Variants in VSTM5 observed in about 807,000 individuals in gnomAD.
VSTM5 encodes the protein V-set and transmembrane domain-containing protein 5.
Under a neutral mutation model 20.3 loss-of-function variants are expected in VSTM5, and 21 were observed. That is an observed-to-expected ratio of 1.03 (90% CI 0.73 to 1.49). The LOEUF is 1.49. VSTM5 is among the 40% of genes most tolerant of loss of function. The pLI is 0.00. For missense variants in VSTM5, 219 were observed against 250.0 expected, an observed-to-expected ratio of 0.88 and a Z score of 0.84; for synonymous variants, 100 against 102.5, an observed-to-expected ratio of 0.98 and a Z score of 0.14.
intron 1 of VSTM5, among the ~76,000 whole-genome samples, chr11:93,848,532 G>A (rs1553603): frequency 0.13 from 19,919 of 152,118 alleles, 1,388 homozygotes; most frequent in African/African-American, 0.16. Flanking sequence ...CCTGTCCCCC[G>A]AGCTGCTCCT....
chr11:93,823,953 G>C (rs546623735), intron 1 of VSTM5, among the ~76,000 whole-genome samples: 1 of 151,790 alleles, frequency 6.6e-6, no homozygotes, highest in Non-Finnish European at 1.5e-5. Flanking sequence ...TGTCACCCAG[G>C]CTGGAGTGCA....
At chr11:93,836,972 A>G (rs1478934705) in intron 1 of VSTM5, among the ~76,000 whole-genome samples, 1 of 149,316 alleles carries the variant, frequency 6.7e-6, no homozygotes, top group Non-Finnish European at 1.5e-5. Context: ...GACCCTTGGG[A>G]TCCTATTTGC....
In VSTM5 at chr11:93,819,258, G is replaced by A. The variant is rs1479139648; in HGVS notation, c.*1311C>T. On this transcript the variant is annotated 3_prime_UTR_variant, in exon 4 of 4. Coordinates refer to ENST00000409977, the MANE Select transcript of VSTM5 (RefSeq NM_001144871.2). ...CACATCATCATCGGATGGTACCTTT[G>A]GTCTGTAGCTATGAATATTGGAGAG... is the stretch of plus-strand genomic sequence containing the variant. 6.6e-6 allele frequency: 1 copy of A among 152,166 alleles called. No individual in the cohort carries two copies. The highest frequency in any genetic ancestry group is 2.4e-5 in the African/African-American group (1 of 41,430). 9.4% of individuals were successfully genotyped at this position (152,166 alleles called of 1,614,324 possible).
intron 1 of VSTM5, among the ~76,000 whole-genome samples, chr11:93,843,373 G>A (rs558087118): frequency 6.3e-4 from 96 of 152,190 alleles, no homozygotes; most frequent in Admixed American, 5.6e-3. Context: ...TCAGCTATGT[G>A]AACACAGGGG....
At position 93,821,073 on chromosome 11, in the gene VSTM5, ATCCC is replaced by A; in HGVS notation, c.338_341del (p.Arg113IlefsTer9). 6.4e-7 allele frequency: 1 copy of A among 1,551,754 alleles called. No homozygotes were observed. Among genetic ancestry groups the A allele is most frequent in the Non-Finnish European group, 8.7e-7 (1 of 1,147,010 alleles). On this transcript the variant is annotated frameshift_variant, in exon 2 of 4. Coordinates refer to ENST00000409977, the MANE Select transcript of VSTM5 (RefSeq NM_001144871.2). LOFTEE classifies it high-confidence loss of function. ...TCACGGTGATGACATAGTAGCCGGA[ATCCC>A]TCACTCCCACGCTGAAGAGCTGGAT...
At chr11:93,840,995 G>T (rs986183891) in intron 1 of VSTM5, among the ~76,000 whole-genome samples, 3 of 152,308 alleles carry the variant, frequency 2.0e-5, no homozygotes, top group East Asian at 1.9e-4. Context: ...TGGGGGCAAG[G>T]AACCTAAGGC....
intron 1 of VSTM5, among the ~76,000 whole-genome samples, chr11:93,833,722 G>A (rs531168180): frequency 1.3e-5 from 2 of 152,166 alleles, no homozygotes; most frequent in South Asian, 2.1e-4. Flanking sequence ...TCTCAACAAC[G>A]TGAGCTCTCT....
Position 93,850,566 on chromosome 11 carries a change from C to T in VSTM5, c.-64G>A. 8.1e-7 allele frequency: 1 copy of T among 1,229,736 alleles called. No homozygotes were observed. The highest frequency in any genetic ancestry group is 1.4e-5 in the South Asian group (1 of 72,998). The allele number at this position is 1,229,736 out of a possible 1,614,324, so 76.2% of individuals were successfully genotyped here. A position where few individuals can be genotyped will look rare whatever the true frequency, so the allele number is the denominator to read the frequency against. On this transcript the variant is annotated 5_prime_UTR_variant, in exon 1 of 4. Coordinates refer to ENST00000409977, the MANE Select transcript of VSTM5 (RefSeq NM_001144871.2). ...GCCGCACCGCGCTGCAGCTCCTATG[C>T]AGCCTTCTCTCTTCCTCCGCCTCTG...
chr11:93,831,682 G>A (rs1256747707), intron 1 of VSTM5, among the ~76,000 whole-genome samples: 1 of 152,192 alleles, frequency 6.6e-6, no homozygotes, highest in Non-Finnish European at 1.5e-5. Context: ...TTTAGGTGGA[G>A]GCTACCAGGC....
chr11:93,849,400 G>C (rs367703094), intron 1 of VSTM5, among the ~76,000 whole-genome samples: 3 of 152,176 alleles, frequency 2.0e-5, no homozygotes, highest in Non-Finnish European at 4.4e-5. Flanking sequence ...CAAGGGATCC[G>C]CTGGCCTCGG....
chr11:93,827,826 AT>A lies in VSTM5; in HGVS notation c.92-6504del, dbSNP rs774422796. 19 of 150,894 alleles carry A rather than the reference AT, an allele frequency of 1.3e-4. No individual in the cohort carries two copies. In the East Asian group the frequency reaches 3.1e-3, roughly 24 times the overall value. The allele number at this position is 150,894 out of a possible 1,614,324, so 9.3% of individuals were successfully genotyped here. A position where few individuals can be genotyped will look rare whatever the true frequency, so the allele number is the denominator to read the frequency against. On this transcript the variant is annotated intron_variant, in intron 1 of 3. Coordinates refer to ENST00000409977, the MANE Select transcript of VSTM5 (RefSeq NM_001144871.2). Reference sequence around the variant, plus strand: ...TCTGTGATGTTACTAAGTTAAAAAAATAAACATGTAAAACAGCATACCTAAT... The same window carrying A: ...TCTGTGATGTTACTAAGTTAAAAAAAAAACATGTAAAACAGCATACCTAAT...
At chr11:93,823,878 G>A (rs889436809) in intron 1 of VSTM5, among the ~76,000 whole-genome samples, 5 of 150,072 alleles carry the variant, frequency 3.3e-5, no homozygotes, top group East Asian at 2.0e-4. Context: ...AATTGTTTTC[G>A]ATATATACCC....
intron 1 of VSTM5, among the ~76,000 whole-genome samples, chr11:93,832,703 A>G (rs537903266): frequency 6.6e-6 from 1 of 152,362 alleles, no homozygotes; most frequent in African/African-American, 2.4e-5. Context: ...GGAGACTTGG[A>G]CTAAAGCACT....
In VSTM5 at chr11:93,821,251, A is replaced by G; in HGVS notation, c.164T>C (p.Val55Ala). 7 of 1,551,886 alleles carry G rather than the reference A, an allele frequency of 4.5e-6. No homozygotes were observed. Among genetic ancestry groups the G allele is most frequent in the Non-Finnish European group, 6.1e-6 (7 of 1,147,042 alleles). Residue 55 changes from valine to alanine, a missense_variant, in exon 2 of 4, where the codon GTT becomes GCT. Val to Ala is a moderately conservative substitution (Grantham distance 64, BLOSUM62 0). Coordinates refer to ENST00000409977, the MANE Select transcript of VSTM5 (RefSeq NM_001144871.2). ...GGGCACTCCATGACAGGAGTACTCA[A>G]CTGAGAGCAGGATGTCTTCTTTGAC... ...ATVKEDILLS[V>A]EYSCHGVPTI...
intron 1 of VSTM5, among the ~76,000 whole-genome samples, chr11:93,828,988 T>C (rs1944259614): frequency 6.6e-6 from 1 of 152,164 alleles, no homozygotes; most frequent in Non-Finnish European, 1.5e-5. Flanking sequence ...TCCTTAATTA[T>C]GAGAGCCTCA....
chr11:93,832,149 A>G (rs1199883923), intron 1 of VSTM5, among the ~76,000 whole-genome samples: 1 of 152,222 alleles, frequency 6.6e-6, no homozygotes, highest in Non-Finnish European at 1.5e-5. Flanking sequence ...AAGACTGGAG[A>G]TGCACCTGTG....
rs1944182143 is a variant in VSTM5, at chr11:93,821,164, C to T, written c.251G>A (p.Gly84Glu). 6.4e-7 allele frequency: 1 copy of T among 1,552,160 alleles called. No homozygotes were observed. The highest frequency in any genetic ancestry group is 8.7e-7 in the Non-Finnish European group (1 of 1,147,090). ...GTQKIVEWKP[G>E]TQANISQSHK... ...GCTTTGAGAGATGTTGGCCTGAGTC[C>T]CTGGTTTCCACTCCACGATCTTCTG... Residue 84 changes from glycine to glutamate, a missense_variant, in exon 2 of 4, where the codon GGG becomes GAG. Coordinates refer to ENST00000409977, the MANE Select transcript of VSTM5 (RefSeq NM_001144871.2).
intron 1 of VSTM5, among the ~76,000 whole-genome samples, chr11:93,830,310 C>T (rs79396322): frequency 0.046 from 7,037 of 152,308 alleles, 507 homozygotes; most frequent in African/African-American, 0.16. Flanking sequence ...CAGGTGCTTG[C>T]TCTTTGGGAG....
intron 1 of VSTM5, among the ~76,000 whole-genome samples, chr11:93,836,449 C>T (rs1402091623): frequency 3.3e-5 from 5 of 152,200 alleles, no homozygotes; most frequent in Non-Finnish European, 5.9e-5. Flanking sequence ...ATCCTCAGCA[C>T]GCCCTCATAC....
Sources: allele counts gnomAD v4.1 joint callset (sites outside exome capture counted in the v4.1 genomes callset), GRCh38; gene constraint gnomAD v4.1.1; transcripts MANE v1.5; gene names NCBI Gene and HGNC (gene_info 2026-07-23, HGNC 2026-07-21).